Variants in UBP1 observed in about 807,000 individuals in gnomAD.
UBP1 encodes the protein upstream-binding protein 1.
A neutral mutation model predicts 76.1 loss-of-function variants in UBP1; 22 were observed. The ratio of observed to expected loss-of-function variants is 0.29; its 90% CI spans 0.21 to 0.41. The LOEUF is 0.41. Among genes scored for constraint, UBP1 ranks in the 10% least tolerant of loss-of-function variants. UBP1 has a pLI of 1.00. For missense variants in UBP1, 436 were observed against 668.1 expected (o/e 0.65, Z 3.83); for synonymous variants, 224 against 237.1 (o/e 0.94, Z 0.51).
Position 33,396,278 on chromosome 3 carries a change from G to A in UBP1, c.1274C>T (p.Ser425Leu), listed in dbSNP as rs1441810847. Residue 425 changes from serine (S) to leucine (L), a missense_variant and splice_region_variant, in exon 13 of 16, where the codon TCG becomes TTG. Coordinates refer to ENST00000283629, the MANE Select transcript of UBP1 (RefSeq NM_014517.5). The part of the protein sequence containing the change: ...IRLYNSLKSR[S>L]VRPRLTIYVC... ...ATAGATGGTTAAACGGGGTCTAACC[G>A]ACCTGCAATCAGAAGATGCCACTGA... 2.5e-6 allele frequency: 4 copies of A among 1,571,354 alleles called. No homozygotes were observed. The highest frequency in any genetic ancestry group is 1.1e-5 in the South Asian group (1 of 87,840).
chr3:33,403,011 C>G (rs1418385244), intron 8 of UBP1, 107 bp from the exon 9 acceptor site: 1 of 1,010,544 alleles, frequency 9.9e-7, no homozygotes. Context: ...AAATGCGAGA[C>G]AGCTGACATT....
At chr3:33,425,820 C>G in intron 1 of UBP1, 79 bp from the exon 2 acceptor site, 1 of 1,303,318 alleles carries the variant, frequency 7.7e-7, no homozygotes, top group Non-Finnish European at 1.0e-6. Context: ...TGAATGCACC[C>G]AATCTTGTCT....
intron 8 of UBP1, among the ~76,000 whole-genome samples, chr3:33,405,882 A>C (rs1209362930): frequency 1.3e-5 from 2 of 152,222 alleles, no homozygotes; most frequent in East Asian, 3.8e-4. Context: ...ACAGGGGCTT[A>C]AAACGCTTGT....
intron 2 of UBP1, 22 bp from the exon 3 acceptor site, chr3:33,416,856 A>G (rs764881161): frequency 1.3e-6 from 2 of 1,586,772 alleles, no homozygotes; most frequent in Non-Finnish European, 1.7e-6. Context: ...AATTGTGTAT[A>G]AAAAACAATC....
chr3:33,396,172 C>T lies in UBP1; in HGVS notation c.1380G>A (p.Gly460=). 6.3e-7 allele frequency: 1 copy of T among 1,579,704 alleles called. No homozygotes were observed. Among genetic ancestry groups the T allele is most frequent in the Non-Finnish European group, 8.7e-7 (1 of 1,153,058 alleles). Reference sequence around the variant, plus strand: ...GCCCTCAATACCTACCATAGGGTGCCCCACTGCCATTCTCGCTTGCACTGC... The same window carrying T: ...GCCCTCAATACCTACCATAGGGTGCTCCACTGCCATTCTCGCTTGCACTGC... ...AASSASENGS[G]APYVYHAIYL... Residue 460 remains glycine (G), a synonymous_variant, in exon 13 of 16, where the codon GGG becomes GGA. Transcript: ENST00000283629.
intron 15 of UBP1, 97 bp downstream of exon 15, chr3:33,392,466 C>T: frequency 3.9e-6 from 4 of 1,016,958 alleles, no homozygotes; most frequent in Non-Finnish European, 4.2e-6. Context: ...ATGAGTAAAG[C>T]AATCATTTTA....
At chr3:33,426,581 C>A (rs2045022065) in intron 1 of UBP1, among the ~76,000 whole-genome samples, 1 of 152,186 alleles carries the variant, frequency 6.6e-6, no homozygotes, top group African/African-American at 2.4e-5. Flanking sequence ...TTAGTAGTCA[C>A]TCACCATACT....
intron 14 of UBP1, 73 bp from the exon 15 acceptor site, chr3:33,392,687 T>G: frequency 7.2e-7 from 1 of 1,386,260 alleles, no homozygotes; most frequent in South Asian, 1.3e-5. Flanking sequence ...TTTAAAACAG[T>G]AAATATTCTT....
chr3:33,395,750 G>GAAA (rs61654235), intron 13 of UBP1, among the ~76,000 whole-genome samples: 925 of 69,718 alleles, frequency 0.013, 13 homozygotes, highest in Admixed American at 0.029. Flanking sequence ...CAGGAAAATT[G>GAAA]AAAAAAAAAA....
At chr3:33,434,682 C>CTTTTTTTTT (rs10709462) in intron 1 of UBP1, among the ~76,000 whole-genome samples, 1 of 87,702 alleles carries the variant, frequency 1.1e-5, no homozygotes, top group African/African-American at 4.3e-5. Context: ...AATGGTTTTA[C>CTTTTTTTTT]TTTTTTTTTT....
intron 14 of UBP1, chr3:33,392,932 A>C: frequency 3.0e-6 from 1 of 336,304 alleles, no homozygotes; most frequent in Non-Finnish European, 5.3e-6. Flanking sequence ...ACTTGCCACC[A>C]ATCACTAGGG....
intron 1 of UBP1, among the ~76,000 whole-genome samples, chr3:33,430,372 A>G (rs1209868747): frequency 6.6e-6 from 1 of 152,194 alleles, no homozygotes; most frequent in Non-Finnish European, 1.5e-5. Flanking sequence ...TAGCTTCTCC[A>G]GCCTGGTCCG....
In UBP1 at chr3:33,390,285, A is replaced by G; in HGVS notation, c.*46T>C. 1 of 1,580,772 alleles carries G rather than the reference A, an allele frequency of 6.3e-7. No individual in the cohort carries two copies. The highest frequency in any genetic ancestry group is 8.7e-7 in the Non-Finnish European group (1 of 1,152,788). ...TTGGATTCAGTCTTCACACACTTTTAAGCGTGACTATTTGGTACTGAATAC... is the reference window on the plus strand; with the variant it reads ...TTGGATTCAGTCTTCACACACTTTTGAGCGTGACTATTTGGTACTGAATAC... On this transcript the variant is annotated 3_prime_UTR_variant, in exon 16 of 16. Coordinates refer to ENST00000283629, the MANE Select transcript of UBP1 (RefSeq NM_014517.5).
rs1367999076 is a variant in UBP1 at position 33,401,071 on chromosome 3, T to C, written c.1032-55A>G. 5 of 1,488,354 alleles carry C rather than the reference T, an allele frequency of 3.4e-6. No individual in the cohort carries two copies. The African/African-American group carries it at 7.2e-5, about 21-fold the overall frequency. The allele number at this position is 1,488,354 out of a possible 1,614,324, so 92.2% of individuals were successfully genotyped here. ...TGATTTTTATAATACATATATGTTT[T>C]AATCAAGGCATTAAAAGCTGTTGCA... On this transcript the variant is annotated intron_variant, in intron 9 of 15. Transcript: ENST00000283629.
intron 2 of UBP1, among the ~76,000 whole-genome samples, chr3:33,418,411 C>CGG (rs1409505147): frequency 6.6e-6 from 1 of 151,992 alleles, no homozygotes; most frequent in Non-Finnish European, 1.5e-5. Context: ...CCCGCCACCA[C>CGG]GCCCAGCTAA....
At chr3:33,407,330 T>C (rs1170058035) in intron 8 of UBP1, among the ~76,000 whole-genome samples, 1 of 152,200 alleles carries the variant, frequency 6.6e-6, no homozygotes, top group Non-Finnish European at 1.5e-5. Flanking sequence ...GAATTTCTTT[T>C]ATTTAGGAAT....
At chr3:33,413,156 AC>A (rs1559682166) in intron 3 of UBP1, among the ~76,000 whole-genome samples, 1 of 152,218 alleles carries the variant, frequency 6.6e-6, no homozygotes, top group Admixed American at 6.5e-5. Context: ...TAAAGAAAAT[AC>A]CAGATGCACA....
intron 5 of UBP1, 132 bp downstream of exon 5, chr3:33,411,449 T>G (rs2044580007): frequency 7.1e-6 from 5 of 708,462 alleles, no homozygotes; most frequent in Non-Finnish European, 2.4e-6. Flanking sequence ...AACCTAACTA[T>G]GTATATAGAA....
intron 8 of UBP1, among the ~76,000 whole-genome samples, chr3:33,407,736 C>T (rs17030628): frequency 0.38 from 57,409 of 151,954 alleles, 11,802 homozygotes; most frequent in East Asian, 0.6. Flanking sequence ...TTAACCACAG[C>T]AATTGCGATA....
Sources: allele counts gnomAD v4.1 joint callset (sites outside exome capture counted in the v4.1 genomes callset), GRCh38; gene constraint gnomAD v4.1.1; transcripts MANE v1.5; gene names NCBI Gene and HGNC (gene_info 2026-07-23, HGNC 2026-07-21).